MTMR3: variants seen among roughly 807,000 people sequenced by gnomAD.
MTMR3 encodes the protein phosphatidylinositol-3,5-bisphosphate 3-phosphatase MTMR3.
MTMR3 carries 32 observed loss-of-function variants against 132.4 expected under a neutral mutation model. That is an observed-to-expected ratio of 0.24 (90% confidence interval 0.18 to 0.32). MTMR3 has a LOEUF of 0.32. Among genes scored for constraint, MTMR3 ranks in the 10% least tolerant of loss-of-function variants. The pLI is 1.00. For missense variants in MTMR3, 1,216 were observed against 1,489.6 expected, an observed-to-expected ratio of 0.82 and a Z score of 3.02; for synonymous variants, 556 against 550.3, an observed-to-expected ratio of 1.01 and a Z score of -0.14.
In MTMR3 at chr22:29,887,160, T is replaced by C. The variant is rs2064694768; in HGVS notation, c.-138+3801T>C. Among the ~76,000 whole-genome samples the C allele has an allele frequency of 4.6e-5, 7 of 152,334 alleles. No individual in the cohort carries two copies. The South Asian group carries it at 1.2e-3, about 27-fold the overall frequency. ...AAACAATATACCTTTTAAGTTCATA[T>C]TTGTATCAGATATTAAAAATGAAAA... On this transcript the variant is annotated intron_variant, in intron 1 of 19. Coordinates refer to ENST00000401950, the MANE Select transcript of MTMR3 (RefSeq NM_021090.4).
At chr22:29,990,437 A>G (rs1286228697) in intron 6 of MTMR3, 1 of 152,118 alleles carries the variant, frequency 6.6e-6, no homozygotes, top group East Asian at 1.9e-4. Context: ...ATAGATATTT[A>G]TATTGCTTTT....
Position 30,013,425 on chromosome 22 carries a change from G to T in MTMR3, c.1387G>T (p.Gly463Trp), listed in dbSNP as rs560731915. The part of the protein sequence containing the change: ...GHKFADRCGH[G>W]ENSDDLNERC... ...TAAATTTGCTGACCGGTGTGGTCAT[G>T]GGGAGAACTCGGATGATCTGAATGA... The change falls in exon 14 of 20, where the codon GGG (glycine) becomes TGG (tryptophan). Residue 463 changes from glycine to tryptophan, a missense_variant. Transcript: ENST00000401950. 6 of 1,614,010 alleles carry T rather than the reference G, an allele frequency of 3.7e-6. No individual in the cohort carries two copies. The highest frequency in any genetic ancestry group is 5.1e-6 in the Non-Finnish European group (6 of 1,180,002).
chr22:30,014,452 T>C (rs1401975521), intron 14 of MTMR3: 2 of 152,140 alleles, frequency 1.3e-5, no homozygotes, highest in Admixed American at 1.3e-4. Context: ...CCTTTTACCT[T>C]ACTGGATTGT....
chr22:29,984,141 G>T (rs1451114854), intron 5 of MTMR3: 3 of 151,960 alleles, frequency 2.0e-5, no homozygotes, highest in Non-Finnish European at 4.4e-5. Flanking sequence ...TAAATGAAAA[G>T]ATTTTTGTGC....
chr22:29,901,761 A>G (rs571330438), intron 1 of MTMR3, among the ~76,000 whole-genome samples: 10 of 152,228 alleles, frequency 6.6e-5, no homozygotes, highest in South Asian at 4.1e-4. Context: ...TATATTGCCT[A>G]TGCTGGCCGC....
intron 1 of MTMR3, among the ~76,000 whole-genome samples, chr22:29,913,181 A>C (rs2065246439): frequency 6.6e-6 from 1 of 152,108 alleles, no homozygotes; most frequent in Non-Finnish European, 1.5e-5. Flanking sequence ...CCAGGACATC[A>C]AGACAGCAGT....
intron 1 of MTMR3, among the ~76,000 whole-genome samples, chr22:29,922,543 A>G (rs1159386626): frequency 6.6e-6 from 1 of 152,118 alleles, no homozygotes; most frequent in East Asian, 1.9e-4. Flanking sequence ...CCATTTATCC[A>G]TTGATGGACA....
chr22:29,891,708 C>A (rs1279397252), intron 1 of MTMR3, among the ~76,000 whole-genome samples: 1 of 151,882 alleles, frequency 6.6e-6, no homozygotes, highest in East Asian at 1.9e-4. Flanking sequence ...GCTGGTATTA[C>A]AGGTGTGAGC....
rs143009168 is a variant in MTMR3, at chr22:29,907,362, A to G, written c.-138+24003A>G. Among the ~76,000 whole-genome samples, 88 of 152,096 alleles carry G rather than the reference A, an allele frequency of 5.8e-4. 2 individuals carry two copies. In the East Asian group the frequency reaches 0.016, roughly 28 times the overall value. On this transcript the variant is annotated intron_variant, in intron 1 of 19. Coordinates refer to ENST00000401950, the MANE Select transcript of MTMR3 (RefSeq NM_021090.4). ...GCTTGCAGTGAGCCGAGATAGCACC[A>G]CTGCACTCCAGCTGGGTGACAGAGC... is the stretch of plus-strand genomic sequence containing the variant.
chr22:30,005,939 G>T (rs1340538674), intron 9 of MTMR3: 1 of 152,188 alleles, frequency 6.6e-6, no homozygotes, highest in Non-Finnish European at 1.5e-5. Context: ...GCTCCCTTAA[G>T]TAACTACGAG....
At chr22:29,951,897 T>TTTC (rs1431540020) in intron 1 of MTMR3, among the ~76,000 whole-genome samples, 1 of 151,004 alleles carries the variant, frequency 6.6e-6, no homozygotes, top group East Asian at 1.9e-4. Context: ...AGGTTTTTTT[T>TTTC]TTTTTTTTTT....
intron 3 of MTMR3, 139 bp downstream of exon 3, chr22:29,971,201 G>A: frequency 1.2e-6 from 1 of 867,794 alleles, no homozygotes; most frequent in South Asian, 2.1e-5. Context: ...GATCTCTTGT[G>A]TCTTTTCTTT....
chr22:29,930,049 A>G (rs1356932441), intron 1 of MTMR3, among the ~76,000 whole-genome samples: 3 of 152,184 alleles, frequency 2.0e-5, no homozygotes, highest in Admixed American at 1.3e-4. Context: ...GAATCAGTTC[A>G]GTGAATTCCT....
At chr22:29,977,885 G>A (rs1324486117) in intron 3 of MTMR3, among the ~76,000 whole-genome samples, 1 of 152,196 alleles carries the variant, frequency 6.6e-6, no homozygotes, top group Non-Finnish European at 1.5e-5. Flanking sequence ...AGTGGCTCAT[G>A]TCTGTTATCG....
intron 1 of MTMR3, among the ~76,000 whole-genome samples, chr22:29,926,009 C>G (rs1367172969): frequency 6.6e-6 from 1 of 152,162 alleles, no homozygotes; most frequent in East Asian, 1.9e-4. Flanking sequence ...ATTTCAGAAT[C>G]CCTAACAGAG....
intron 1 of MTMR3, among the ~76,000 whole-genome samples, chr22:29,937,241 A>G (rs962653723): frequency 2.6e-5 from 4 of 151,996 alleles, no homozygotes; most frequent in Non-Finnish European, 5.9e-5. Flanking sequence ...GACTCTTTAA[A>G]TGGCTGTAAA....
chr22:29,922,153 A>G (rs1391095811), intron 1 of MTMR3, among the ~76,000 whole-genome samples: 1 of 151,786 alleles, frequency 6.6e-6, no homozygotes, highest in African/African-American at 2.4e-5. Flanking sequence ...CAGCCTCCCG[A>G]GTAGCTGGGA....
intron 12 of MTMR3, chr22:30,012,095 A>C: frequency 3.1e-6 from 1 of 318,276 alleles, no homozygotes; most frequent in Non-Finnish European, 5.7e-6. Context: ...AAAATGTCAA[A>C]TATTTTGCCC....
chr22:29,900,504 A>G (rs1568996042), intron 1 of MTMR3, among the ~76,000 whole-genome samples: 1 of 152,244 alleles, frequency 6.6e-6, no homozygotes, highest in Non-Finnish European at 1.5e-5. Flanking sequence ...GATTATTGAT[A>G]TCATTCATTT....
Sources: gnomAD v4.1 joint callset for allele counts (sites outside exome capture counted in the v4.1 genomes callset) on GRCh38, gnomAD v4.1.1 for gene constraint, MANE v1.5 for transcripts, NCBI Gene and HGNC (gene_info 2026-07-23, HGNC 2026-07-21) for gene names.